Variants in MYO1A observed in about 807,000 individuals in gnomAD.
MYO1A encodes the protein unconventional myosin-Ia.
MYO1A carries 127 observed loss-of-function variants against 138.5 expected under a neutral mutation model. The ratio of observed to expected loss-of-function variants is 0.92; its 90% CI spans 0.79 to 1.06. MYO1A has a LOEUF of 1.06. MYO1A is among the 50% of genes least tolerant of loss of function. MYO1A has a pLI of 0.00. For synonymous variants in MYO1A, 477 were observed against 497.5 expected, an observed-to-expected ratio of 0.96 and a Z score of 0.55; for missense variants, 1,211 against 1,288.8, an observed-to-expected ratio of 0.94 and a Z score of 0.92.
At chr12:57,047,137 C>T in intron 5 of MYO1A, 30 bp from the exon 6 acceptor site, 4 of 1,613,376 alleles carry the variant, frequency 2.5e-6, no homozygotes, top group Non-Finnish European at 3.4e-6. Context: ...AGAAGTGAAA[C>T]TCTAGAGAAG....
intron 22 of MYO1A, 62 bp downstream of exon 22, chr12:57,036,245 C>T (rs1263269654): frequency 4.6e-6 from 7 of 1,537,304 alleles, no homozygotes; most frequent in Non-Finnish European, 5.4e-6. Context: ...TCTCAAACCC[C>T]TCTCCCAAAC....
chr12:57,029,823 TG>T lies in MYO1A; in HGVS notation c.2640del (p.Lys881SerfsTer5). The T allele has an allele frequency of 1.2e-6, 2 of 1,614,192 alleles. No individual in the cohort carries two copies. Among genetic ancestry groups the T allele is most frequent in the Non-Finnish European group, 1.7e-6 (2 of 1,180,030 alleles). ...TCCCCGCCTTTCAGCTTCTGCAGCT[TG>T]GGGTTCCCTTGCAGCCCAATGTAGT... ...CGDYIGLQGN[P>X]KLQKLKGGEE... On this transcript the variant is annotated frameshift_variant, in exon 25 of 28. Transcript: ENST00000300119. LOFTEE classifies it high-confidence loss of function.
rs149577084 is a variant in MYO1A at position 57,029,235 on chromosome 12, C to A, written c.2902G>T (p.Asp968Tyr). 3.7e-6 allele frequency: 6 copies of A among 1,613,974 alleles called. No homozygotes were observed. The highest frequency in any genetic ancestry group is 1.3e-5 in the African/African-American group (1 of 74,976). Residue 968 changes from aspartate (D) to tyrosine (Y), a missense_variant, in exon 27 of 28, where the codon GAC becomes TAC. Transcript: ENST00000300119. Reference sequence around the variant, plus strand: ...ACATGCTCGCTGACCAGCAGGAAGTCCCCCTTGGAGCCCACCGATGACATC... The same window carrying A: ...ACATGCTCGCTGACCAGCAGGAAGTACCCCTTGGAGCCCACCGATGACATC... ...SEMSSVGSKG[D>Y]FLLVSEHVIE... is the part of the protein sequence containing the mutation.
Position 57,038,083 on chromosome 12 carries a change from G to C in MYO1A, c.1761-14C>G. 2 of 1,613,478 alleles carry C rather than the reference G, an allele frequency of 1.2e-6. No homozygotes were observed. Among genetic ancestry groups the C allele is most frequent in the South Asian group, 1.1e-5 (1 of 91,058 alleles). On this transcript the variant is annotated splice_polypyrimidine_tract_variant and intron_variant, in intron 17 of 27. Coordinates refer to ENST00000300119, the MANE Select transcript of MYO1A (RefSeq NM_005379.4). ...GGCTTTATGCACCTGGTGGGAGGTG[G>C]GGTAAGGCACAGCCTTCAGGAGCTG...
intron 1 of MYO1A, among the ~76,000 whole-genome samples, chr12:57,049,641 C>T (rs1238269442): frequency 2.6e-5 from 4 of 152,186 alleles, no homozygotes; most frequent in African/African-American, 9.7e-5. Context: ...CTTACAATAT[C>T]CCCATGAAGT....
chr12:57,032,249 A>G (rs2030322542), intron 22 of MYO1A, among the ~76,000 whole-genome samples: 1 of 152,208 alleles, frequency 6.6e-6, no homozygotes, highest in Non-Finnish European at 1.5e-5. Flanking sequence ...CTTATAAGGC[A>G]GGATCCCAGG....
chr12:57,037,565 T>A lies in MYO1A; in HGVS notation c.2038A>T (p.Ile680Phe), dbSNP rs2030617785. ...TAACTCACAGTCTTGGGGCTTCTAA[T>A]GAAGATCTTTGTCTTGCCAAAGGCC... The part of the protein sequence containing the change: ...ELAFGKTKIF[I>F]RSPKTLFYLE... The change falls in exon 19 of 28, where the codon ATT becomes TTT. Residue 680 changes from isoleucine (I) to phenylalanine (F), a missense_variant. By Grantham distance (21) the Ile-to-Phe change is conservative. Transcript: ENST00000300119. The A allele has an allele frequency of 3.1e-6, 5 of 1,614,120 alleles. No homozygotes were observed. The highest frequency in any genetic ancestry group is 4.2e-6 in the Non-Finnish European group (5 of 1,179,998).
Position 57,036,988 on chromosome 12 carries a change from A to G in MYO1A, c.2159T>C (p.Met720Thr), listed in dbSNP as rs764917531. The change falls in exon 20 of 28, where the codon ATG (methionine) becomes ACG (threonine). Residue 720 changes from methionine to threonine, a missense_variant. Coordinates refer to ENST00000300119, the MANE Select transcript of MYO1A (RefSeq NM_005379.4). ...GWRCRTHYQL[M>T]RKSQILISSW... Reference sequence around the variant, plus strand: ...GGAGATGAGGATCTGACTCTTTCGCATCAGTTGGTAGTGGGTGCGGCAGCG... The same window carrying G: ...GGAGATGAGGATCTGACTCTTTCGCGTCAGTTGGTAGTGGGTGCGGCAGCG... The G allele has an allele frequency of 1.9e-6, 3 of 1,614,182 alleles. No homozygotes were observed. Among genetic ancestry groups the G allele is most frequent in the South Asian group, 1.1e-5 (1 of 91,086 alleles).
chr12:57,032,783 A>C (rs2030347302), intron 22 of MYO1A, among the ~76,000 whole-genome samples: 1 of 152,198 alleles, frequency 6.6e-6, no homozygotes, highest in African/African-American at 2.4e-5. Flanking sequence ...AGGCTGTGGT[A>C]AGGAGTGAAA....
intron 8 of MYO1A, among the ~76,000 whole-genome samples, chr12:57,045,491 G>A (rs2031056959): frequency 6.6e-6 from 1 of 152,152 alleles, no homozygotes; most frequent in South Asian, 2.1e-4. Context: ...ACCAATAGAT[G>A]ACAGACCAAC....
intron 22 of MYO1A, among the ~76,000 whole-genome samples, chr12:57,034,473 G>A (rs2030435315): frequency 6.6e-6 from 1 of 152,042 alleles, no homozygotes; most frequent in Non-Finnish European, 1.5e-5. Context: ...AGGAGTTTGA[G>A]ACCAGCCTGG....
intron 8 of MYO1A, among the ~76,000 whole-genome samples, chr12:57,046,014 C>T (rs897087559): frequency 2.0e-5 from 3 of 152,118 alleles, no homozygotes; most frequent in African/African-American, 7.2e-5. Context: ...AATATTTGAT[C>T]ATAGGTGTTC....
Position 57,047,097 on chromosome 12 carries a change from AT to A in MYO1A, c.440del (p.Asn147MetfsTer42), listed in dbSNP as rs752613939. 6.2e-7 allele frequency: 1 copy of A among 1,614,180 alleles called. No homozygotes were observed. The highest frequency in any genetic ancestry group is 1.7e-5 in the Admixed American group (1 of 60,026). ...QSNPVLEAFGNAKTIRNNNSS... is the reference protein window; with the variant it reads ...QSNPVLEAFGXAKTIRNNNSS... ...AATTGTTGTTGCGAATGGTCTTGGC[AT>A]TGCCAAAAGCTACAGAGATGAGGAG... On this transcript the variant is annotated frameshift_variant, in exon 6 of 28. Transcript: ENST00000300119. LOFTEE classifies it high-confidence loss of function.
chr12:57,032,363 C>T (rs986535404), intron 22 of MYO1A, among the ~76,000 whole-genome samples: 4 of 152,170 alleles, frequency 2.6e-5, no homozygotes, highest in African/African-American at 9.7e-5. Flanking sequence ...TTCATTTTCA[C>T]TGGACTTACA....
At chr12:57,033,684 T>C (rs985986149) in intron 22 of MYO1A, among the ~76,000 whole-genome samples, 1 of 152,148 alleles carries the variant, frequency 6.6e-6, no homozygotes, top group African/African-American at 2.4e-5. Flanking sequence ...ATAGAGCACC[T>C]AGCAACCTGT....
Position 57,037,554 on chromosome 12 carries a change from G to A in MYO1A, c.2049C>T (p.Pro683=). ...AATGCACTCTCTAACTCACAGTCTT[G>A]GGGCTTCTAATGAAGATCTTTGTCT... ...FGKTKIFIRS[P]KTLFYLEEQR... Residue 683 remains proline, a synonymous_variant, in exon 19 of 28, where the codon CCC becomes CCT. Transcript: ENST00000300119. 3 of 1,613,934 alleles carry A rather than the reference G, an allele frequency of 1.9e-6. No homozygotes were observed. Among genetic ancestry groups the A allele is most frequent in the Non-Finnish European group, 2.5e-6 (3 of 1,179,868 alleles).
intron 22 of MYO1A, among the ~76,000 whole-genome samples, chr12:57,031,869 T>G (rs894510967): frequency 1.3e-5 from 2 of 152,264 alleles, no homozygotes; most frequent in East Asian, 3.8e-4. Context: ...CAAGATCCCA[T>G]GCTCTTCCTC....
rs1439734961 is a variant in MYO1A at position 57,028,536 on chromosome 12, T to A, written c.*219A>T. On this transcript the variant is annotated 3_prime_UTR_variant, in exon 28 of 28. Transcript: ENST00000300119. ...CCTGACTGAACCTTTCCAAGCCACA[T>A]GTTTTATTAGTGTGCAGAGAGGCTG... is the stretch of plus-strand genomic sequence containing the variant. 3.6e-6 allele frequency: 2 copies of A among 552,908 alleles called. No individual in the cohort carries two copies. The highest frequency in any genetic ancestry group is 4.9e-4 in the Middle Eastern group (1 of 2,060). 34.3% of individuals were successfully genotyped at this position (552,908 alleles called of 1,614,324 possible).
chr12:57,047,697 G>T lies in MYO1A; in HGVS notation c.255C>A (p.Tyr85Ter). Residue 85 changes from tyrosine (Y) to a stop codon, truncating the protein, a stop_gained, in exon 4 of 28, where the codon TAC (tyrosine) becomes TAA (stop). Transcript: ENST00000300119. LOFTEE classifies it high-confidence loss of function. ...CTCGGTCCCTGTCCCTCAGTGACTG[G>T]TACGCCACATTTGCCAATGCGTAGC... is the stretch of plus-strand genomic sequence containing the variant. ...PHIYALANVA[Y>*]QSLRDRDRDQ... 6.2e-7 allele frequency: 1 copy of T among 1,614,182 alleles called. No homozygotes were observed. The highest frequency in any genetic ancestry group is 8.5e-7 in the Non-Finnish European group (1 of 1,180,032).
Sources: gnomAD v4.1 joint callset for allele counts (sites outside exome capture counted in the v4.1 genomes callset) on GRCh38, gnomAD v4.1.1 for gene constraint, MANE v1.5 for transcripts, NCBI Gene and HGNC (gene_info 2026-07-23, HGNC 2026-07-21) for gene names.